ADK: variants seen among roughly 807,000 people sequenced by gnomAD.
The protein encoded by ADK is adenosine kinase.
Under a neutral mutation model 44.7 loss-of-function variants are expected in ADK, and 24 were observed. The ratio of observed to expected loss-of-function variants is 0.54; its 90% CI spans 0.39 to 0.76. The LOEUF (loss-of-function observed/expected upper bound fraction) is 0.76. ADK is among the 30% of genes least tolerant of loss of function. The pLI, the probability that ADK is intolerant of heterozygous loss-of-function variation, is 0.00. For missense variants in ADK, 321 were observed against 425.1 expected, an observed-to-expected ratio of 0.76 and a Z score of 2.15; for synonymous variants, 128 against 142.6, an observed-to-expected ratio of 0.90 and a Z score of 0.73.
intron 2 of ADK, among the ~76,000 whole-genome samples, chr10:74,206,131 A>C (rs1400362678): frequency 6.6e-6 from 1 of 152,238 alleles, no homozygotes; most frequent in Non-Finnish European, 1.5e-5. Context: ...ATGATGTATA[A>C]AAGTAAAGAG....
At chr10:74,245,594 GT>G (rs11377208) in intron 3 of ADK, among the ~76,000 whole-genome samples, 24,203 of 141,066 alleles carry the variant, frequency 0.17, 2,048 homozygotes, top group African/African-American at 0.28. Context: ...TTTTGTTTTT[GT>G]TTTTTTTTTT....
chr10:74,192,372 C>T (rs1842982874), intron 1 of ADK, among the ~76,000 whole-genome samples: 1 of 151,980 alleles, frequency 6.6e-6, no homozygotes, highest in South Asian at 2.1e-4. Context: ...GGATTACAGG[C>T]GCACACTACC....
Position 74,321,777 on chromosome 10 carries a change from CT to C in ADK, c.273+7036del, listed in dbSNP as rs796472986. On this transcript the variant is annotated intron_variant, in intron 4 of 10. Transcript: ENST00000539909. ...TATGTTGTATACATCTCGGGGCATG[CT>C]TTTAAGTGTTTTCTTGATGTAAAAC... Among the ~76,000 whole-genome samples, 3 of 152,146 alleles carry C rather than the reference CT, an allele frequency of 2.0e-5. No individual in the cohort carries two copies. The East Asian group carries it at 5.8e-4, about 29-fold the overall frequency.
intron 9 of ADK, among the ~76,000 whole-genome samples, chr10:74,642,574 T>A (rs1853902214): frequency 6.6e-6 from 1 of 152,054 alleles, no homozygotes; most frequent in Non-Finnish European, 1.5e-5. Flanking sequence ...TGCAATACTC[T>A]GATCTCATGG....
chr10:74,610,636 G>A (rs1852505827), intron 9 of ADK, among the ~76,000 whole-genome samples: 1 of 152,036 alleles, frequency 6.6e-6, no homozygotes, highest in African/African-American at 2.4e-5. Context: ...AGAGTAAGAT[G>A]CTGGGGGTGA....
intron 1 of ADK, among the ~76,000 whole-genome samples, chr10:74,195,928 C>T (rs1391347664): frequency 6.6e-6 from 1 of 151,834 alleles, no homozygotes; most frequent in East Asian, 2.0e-4. Flanking sequence ...GCGCCCGCCT[C>T]AGCCTCCCAA....
intron 10 of ADK, among the ~76,000 whole-genome samples, chr10:74,707,958 C>CTGGCCAGCA (rs1856664728): frequency 6.6e-6 from 1 of 151,912 alleles, no homozygotes; most frequent in Non-Finnish European, 1.5e-5. Context: ...TAAGACCAGC[C>CTGGCCAGCA]TGGCCAGCAT....
Position 74,701,584 on chromosome 10 carries a change from C to G in ADK, c.965-6737C>G, listed in dbSNP as rs571143987. Among the ~76,000 whole-genome samples the G allele has an allele frequency of 6.6e-5, 10 of 152,254 alleles. No individual in the cohort carries two copies. In the East Asian group the frequency reaches 1.9e-3, roughly 29 times the overall value. On this transcript the variant is annotated intron_variant, in intron 10 of 10. Transcript: ENST00000539909. ...CACCAGCCTGAACGGCTCCCACTGG[C>G]AAAAACTGGAATATTTTAAGGACCA...
intron 6 of ADK, among the ~76,000 whole-genome samples, chr10:74,518,560 A>G (rs1760334558): frequency 1.3e-5 from 2 of 152,188 alleles, no homozygotes; most frequent in African/African-American, 4.8e-5. Context: ...GGTTGTGTAG[A>G]CACAAATACA....
At chr10:74,434,451 G>A (rs545150733) in intron 6 of ADK, among the ~76,000 whole-genome samples, 1 of 152,112 alleles carries the variant, frequency 6.6e-6, no homozygotes, top group Non-Finnish European at 1.5e-5. Flanking sequence ...ATGTTAATTG[G>A]TTTTTATTTG....
chr10:74,538,814 ATAGT>A (rs920839556), intron 7 of ADK, among the ~76,000 whole-genome samples: 17 of 152,184 alleles, frequency 1.1e-4, no homozygotes, highest in Non-Finnish European at 2.9e-5. Flanking sequence ...AATGTTTCTA[ATAGT>A]TAATTAATAA....
At chr10:74,261,551 T>G (rs1591949351) in intron 3 of ADK, among the ~76,000 whole-genome samples, 1 of 152,306 alleles carries the variant, frequency 6.6e-6, no homozygotes, top group East Asian at 1.9e-4. Flanking sequence ...GAGAAAAGAA[T>G]ATGTGAGAAA....
chr10:74,176,514 ATC>A, intron 1 of ADK: 1 of 1,205,332 alleles, frequency 8.3e-7, no homozygotes, highest in South Asian at 2.2e-5. Context: ...CGGGCACCCA[ATC>A]TCTCGCCCTG....
intron 10 of ADK, among the ~76,000 whole-genome samples, chr10:74,682,855 T>A (rs1855662886): frequency 6.6e-6 from 1 of 152,222 alleles, no homozygotes; most frequent in Non-Finnish European, 1.5e-5. Context: ...ATTACAGGCA[T>A]GAGCCACTGC....
In ADK at chr10:74,314,652, G is replaced by C; in HGVS notation, c.195-15G>C. 6.2e-7 allele frequency: 1 copy of C among 1,600,740 alleles called. No individual in the cohort carries two copies. ...AGAAGGTAACTTACTTTTTTCTACT[G>C]TGATTTCCTTATAGGTTTGATGAAC... On this transcript the variant is annotated splice_polypyrimidine_tract_variant and intron_variant, in intron 3 of 10. Transcript: ENST00000539909.
intron 7 of ADK, among the ~76,000 whole-genome samples, chr10:74,529,130 A>T (rs1476751630): frequency 1.3e-5 from 2 of 152,222 alleles, no homozygotes; most frequent in African/African-American, 4.8e-5. Flanking sequence ...TCAACAGATG[A>T]ATAAACAAAA....
chr10:74,548,062 G>A (rs1359809404), intron 7 of ADK, among the ~76,000 whole-genome samples: 1 of 152,202 alleles, frequency 6.6e-6, no homozygotes, highest in East Asian at 1.9e-4. Flanking sequence ...AAAGTGCTGG[G>A]ATTACAGGCG....
chr10:74,637,717 T>C (rs1853665527), intron 9 of ADK, among the ~76,000 whole-genome samples: 1 of 152,198 alleles, frequency 6.6e-6, no homozygotes, highest in Non-Finnish European at 1.5e-5. Context: ...TGGGTATAGG[T>C]AGTATTACCT....
At chr10:74,168,476 T>A (rs1310561507) in intron 1 of ADK, among the ~76,000 whole-genome samples, 3 of 146,964 alleles carry the variant, frequency 2.0e-5, no homozygotes, top group Admixed American at 2.0e-4. Context: ...GAGGCGGAGC[T>A]TGCAGTGAGC....
Sources: allele counts gnomAD v4.1 joint callset (sites outside exome capture counted in the v4.1 genomes callset), GRCh38; gene constraint gnomAD v4.1.1; transcripts MANE v1.5; gene names NCBI Gene and HGNC (gene_info 2026-07-23, HGNC 2026-07-21).